ABCC4: variants seen among roughly 807,000 people sequenced by gnomAD.
ABCC4 encodes ATP binding cassette subfamily C member 4 (PEL blood group), also known as ATP-binding cassette sub-family C member 4.
A neutral mutation model predicts 168.5 loss-of-function variants in ABCC4; 102 were observed. The observed-to-expected ratio is 0.61, with a 90% CI of 0.52 to 0.71. The LOEUF is 0.71. Among genes scored for constraint, ABCC4 ranks in the 30% least tolerant of loss-of-function variants. ABCC4 has a pLI of 0.00. For missense variants in ABCC4, 1,402 were observed against 1,605.8 expected (o/e 0.87, Z 2.17); for synonymous variants, 617 against 590.7 (o/e 1.04, Z -0.65).
rs528267826 is a variant in ABCC4, at chr13:95,260,413, C to T, written c.75-12660G>A. 2.7e-4 allele frequency among the ~76,000 whole-genome samples: 41 copies of T among 152,256 alleles called. 1 individual carries two copies. In the South Asian group the frequency reaches 8.5e-3, roughly 32 times the overall value. The stretch of plus-strand genomic sequence containing the variant: ...ACAAGCCAAGATGAAACCCAAGTGG[C>T]GGTCCTTAAAAAGCTCCCCTCACCC... On this transcript the variant is annotated intron_variant, in intron 1 of 30. Transcript: ENST00000645237.
chr13:95,210,933 C>G (rs999968552), intron 4 of ABCC4, 152 bp from the exon 5 acceptor site: 13 of 574,726 alleles, frequency 2.3e-5, no homozygotes, highest in Non-Finnish European at 3.1e-5. Flanking sequence ...CTCTCTGCCC[C>G]ACCAGCACCT....
chr13:95,039,947 G>A (rs2032283036), intron 29 of ABCC4, among the ~76,000 whole-genome samples: 2 of 152,156 alleles, frequency 1.3e-5, no homozygotes, highest in South Asian at 4.1e-4. Flanking sequence ...GTGAGGGTGG[G>A]AGGGTTTCCA....
At chr13:95,284,936 T>A (rs1401372806) in intron 1 of ABCC4, among the ~76,000 whole-genome samples, 2 of 152,128 alleles carry the variant, frequency 1.3e-5, no homozygotes, top group Non-Finnish European at 2.9e-5. Context: ...AGTACATAAT[T>A]ATAATGTCTA....
intron 24 of ABCC4, among the ~76,000 whole-genome samples, chr13:95,072,414 T>C (rs9590173): frequency 0.015 from 2,267 of 152,182 alleles, 63 homozygotes; most frequent in African/African-American, 0.051. Flanking sequence ...TGAGCCAAGA[T>C]CGCACTATTG....
intron 27 of ABCC4, among the ~76,000 whole-genome samples, chr13:95,045,637 T>C (rs1319628619): frequency 1.3e-5 from 2 of 152,190 alleles, no homozygotes; most frequent in African/African-American, 4.8e-5. Flanking sequence ...TGATACTACA[T>C]TGGGTGGTGG....
chr13:95,085,333 G>A (rs768835221), intron 20 of ABCC4, among the ~76,000 whole-genome samples: 101 of 151,910 alleles, frequency 6.6e-4, no homozygotes, highest in Non-Finnish European at 1.6e-4. Flanking sequence ...CCAGCTACTC[G>A]AGAGGCTGAG....
intron 13 of ABCC4, among the ~76,000 whole-genome samples, chr13:95,176,974 G>T (rs2037725086): frequency 1.3e-5 from 2 of 152,194 alleles, no homozygotes; most frequent in Non-Finnish European, 2.9e-5. Context: ...CAGTGTCTAA[G>T]CAAGAGCCAA....
chr13:95,093,814 T>C (rs558253217), intron 20 of ABCC4, among the ~76,000 whole-genome samples: 5 of 152,180 alleles, frequency 3.3e-5, no homozygotes, highest in Non-Finnish European at 5.9e-5. Context: ...ATAAAATAAT[T>C]GAGCAAAGTT....
chr13:95,111,672 A>C (rs1342721601), intron 20 of ABCC4, among the ~76,000 whole-genome samples: 2 of 152,240 alleles, frequency 1.3e-5, no homozygotes, highest in African/African-American at 4.8e-5. Flanking sequence ...GAGTGCCAAC[A>C]TCTAACTATA....
chr13:95,132,515 C>T (rs2036003758), intron 19 of ABCC4, among the ~76,000 whole-genome samples: 1 of 152,140 alleles, frequency 6.6e-6, no homozygotes, highest in Non-Finnish European at 1.5e-5. Flanking sequence ...CCGCGCCTGG[C>T]CCTCCCATTT....
chr13:95,245,997 T>C (rs1182712873), intron 3 of ABCC4, among the ~76,000 whole-genome samples: 3 of 151,196 alleles, frequency 2.0e-5, no homozygotes, highest in Non-Finnish European at 4.4e-5. Flanking sequence ...ACCACTGACA[T>C]CCCTAAGGTA....
intron 19 of ABCC4, among the ~76,000 whole-genome samples, chr13:95,136,068 T>C (rs745606007): frequency 1.3e-5 from 2 of 152,200 alleles, no homozygotes; most frequent in Non-Finnish European, 2.9e-5. Flanking sequence ...ATTTTTTGGA[T>C]ATAATTTAAT....
intron 29 of ABCC4, among the ~76,000 whole-genome samples, chr13:95,038,243 C>T (rs1181443078): frequency 1.3e-5 from 2 of 151,994 alleles, no homozygotes; most frequent in African/African-American, 4.8e-5. Flanking sequence ...TGGAAGTGAA[C>T]CTTCATGAAT....
chr13:95,070,994 G>T (rs2139306247), intron 25 of ABCC4, among the ~76,000 whole-genome samples: 1 of 152,232 alleles, frequency 6.6e-6, no homozygotes, highest in Admixed American at 6.5e-5. Context: ...GAATCATGGG[G>T]GCAGGTCTTT....
At chr13:95,075,093 T>C (rs2139315004) in intron 22 of ABCC4, 2 of 232,758 alleles carry the variant, frequency 8.6e-6, no homozygotes, top group South Asian at 1.8e-4. Flanking sequence ...GCAAAGGTGA[T>C]TCATCACAAC....
intron 1 of ABCC4, among the ~76,000 whole-genome samples, chr13:95,256,509 A>G (rs1414822473): frequency 6.6e-6 from 1 of 152,174 alleles, no homozygotes; most frequent in Non-Finnish European, 1.5e-5. Context: ...TAATCCCAAC[A>G]CCTTGGGAGT....
chr13:95,083,530 CT>C (rs372137669), intron 20 of ABCC4, among the ~76,000 whole-genome samples: 10,156 of 138,416 alleles, frequency 0.073, 991 homozygotes, highest in African/African-American at 0.25. Flanking sequence ...TTTCCTTTTT[CT>C]TTTTTTTTTT....
intron 8 of ABCC4, among the ~76,000 whole-genome samples, chr13:95,202,524 G>A (rs61965927): frequency 0.025 from 3,858 of 151,902 alleles, 61 homozygotes; most frequent in Non-Finnish European, 0.039. Flanking sequence ...CAAGGTCTGC[G>A]TCCCACCCCG....
chr13:95,291,599 C>T (rs577947098), intron 1 of ABCC4, among the ~76,000 whole-genome samples: 9 of 152,280 alleles, frequency 5.9e-5, no homozygotes, highest in African/African-American at 2.2e-4. Flanking sequence ...AGCTGCTAAA[C>T]GTTAGCATCT....
Sources: gnomAD v4.1 joint callset for allele counts (sites outside exome capture counted in the v4.1 genomes callset) on GRCh38, gnomAD v4.1.1 for gene constraint, MANE v1.5 for transcripts, NCBI Gene and HGNC (gene_info 2026-07-23, HGNC 2026-07-21) for gene names.